ATXN7L1: variants seen among roughly 807,000 people sequenced by gnomAD.
The protein encoded by ATXN7L1 is ataxin 7 like 1, also known as ataxin-7-like protein 1.
In ATXN7L1, 15 loss-of-function variants were observed where a neutral mutation model predicts 70.8. The ratio of observed to expected loss-of-function variants is 0.21; its 90% confidence interval spans 0.14 to 0.33. ATXN7L1 has a LOEUF of 0.33. Among genes scored for constraint, ATXN7L1 ranks in the 10% least tolerant of loss-of-function variants. The probability of loss-of-function intolerance (pLI) is 1.00; values close to 1 mark genes in which losing one functional copy is unlikely to be tolerated. For synonymous variants in ATXN7L1, 440 were observed against 445.1 expected, an observed-to-expected ratio of 0.99 and a Z score of 0.14; for missense variants, 975 against 1,097.1, an observed-to-expected ratio of 0.89 and a Z score of 1.57.
chr7:105,652,368 A>T (rs568611919), intron 4 of ATXN7L1, among the ~76,000 whole-genome samples: 1 of 152,250 alleles, frequency 6.6e-6, no homozygotes, highest in Non-Finnish European at 1.5e-5. Context: ...AAATGGTATC[A>T]GAGCCTGGGA....
chr7:105,643,116 G>A lies in ATXN7L1; in HGVS notation c.584C>T (p.Pro195Leu). The A allele has an allele frequency of 6.6e-7, 1 of 1,510,036 alleles. No individual in the cohort carries two copies. Among genetic ancestry groups the A allele is most frequent in the Non-Finnish European group, 8.9e-7 (1 of 1,125,016 alleles). The allele number at this position is 1,510,036 out of a possible 1,614,324, so 93.5% of individuals were successfully genotyped here. The change falls in exon 5 of 12, where the codon CCA becomes CTA. Residue 195 changes from proline (P) to leucine (L), a missense_variant. This residue lies in a region of ATXN7L1 where 192 missense variants were observed against 215.5 expected (regional missense o/e 0.89). Transcript: ENST00000419735. ...TTTCTCTAAACTGACTACAGGAACTGGAACACTGAAAAATAAATGAACAAA... is the reference window on the plus strand; with the variant it reads ...TTTCTCTAAACTGACTACAGGAACTAGAACACTGAAAAATAAATGAACAAA... ...AKGSRDKPCVPVPVVSLEKIP... is the reference protein window; with the variant it reads ...AKGSRDKPCVLVPVVSLEKIP...
At chr7:105,808,077 T>C (rs575961025) in intron 2 of ATXN7L1, among the ~76,000 whole-genome samples, 1 of 152,278 alleles carries the variant, frequency 6.6e-6, no homozygotes, top group African/African-American at 2.4e-5. Flanking sequence ...AGCACTGTCC[T>C]TGGCCTGGAG....
intron 2 of ATXN7L1, chr7:105,819,418 A>T (rs1158530957): frequency 3.5e-6 from 2 of 572,222 alleles, no homozygotes; most frequent in African/African-American, 3.8e-5. Flanking sequence ...AGAGCAAAGC[A>T]AAATGCATTA....
chr7:105,639,430 C>A, intron 6 of ATXN7L1, 57 bp downstream of exon 6: 2 of 1,393,720 alleles, frequency 1.4e-6, no homozygotes, highest in Non-Finnish European at 2.0e-6. Flanking sequence ...GGCATGCAAA[C>A]ATTTCGACAA....
At chr7:105,747,393 T>G (rs903039926) in intron 3 of ATXN7L1, among the ~76,000 whole-genome samples, 1 of 152,220 alleles carries the variant, frequency 6.6e-6, no homozygotes, top group Non-Finnish European at 1.5e-5. Flanking sequence ...AGGAACTCAC[T>G]TTCAGGGCAG....
intron 2 of ATXN7L1, among the ~76,000 whole-genome samples, chr7:105,792,473 G>A (rs1020088599): frequency 2.0e-5 from 3 of 152,202 alleles, no homozygotes; most frequent in Non-Finnish European, 2.9e-5. Context: ...AGAGCAATGC[G>A]GGCTGGGGGA....
At chr7:105,712,853 C>T (rs184336187) in intron 3 of ATXN7L1, among the ~76,000 whole-genome samples, 7 of 152,340 alleles carry the variant, frequency 4.6e-5, no homozygotes, top group Non-Finnish European at 7.3e-5. Context: ...GTTCCAAAGT[C>T]GCTTCCACAT....
At chr7:105,813,676 T>A (rs918997811) in intron 2 of ATXN7L1, among the ~76,000 whole-genome samples, 1 of 152,178 alleles carries the variant, frequency 6.6e-6, no homozygotes, top group Non-Finnish European at 1.5e-5. Context: ...AGACTCTTCC[T>A]TTATCTGTAA....
chr7:105,790,689 A>ATCT (rs1563095644), intron 2 of ATXN7L1, among the ~76,000 whole-genome samples: 1 of 150,742 alleles, frequency 6.6e-6, no homozygotes, highest in Non-Finnish European at 1.5e-5. Flanking sequence ...CTATCTATCT[A>ATCT]TCTATCTATC....
At chr7:105,838,166 A>G (rs1475868582) in intron 2 of ATXN7L1, among the ~76,000 whole-genome samples, 1 of 152,168 alleles carries the variant, frequency 6.6e-6, no homozygotes, top group Non-Finnish European at 1.5e-5. Flanking sequence ...AGAAGCAGAC[A>G]AGAAAACGAC....
intron 2 of ATXN7L1, among the ~76,000 whole-genome samples, chr7:105,803,939 G>A (rs1807190023): frequency 6.6e-6 from 1 of 152,158 alleles, no homozygotes. Context: ...AAGTGGTCCA[G>A]GAAGGAACCC....
At chr7:105,869,707 C>G (rs1462149080) in intron 2 of ATXN7L1, among the ~76,000 whole-genome samples, 7 of 152,206 alleles carry the variant, frequency 4.6e-5, no homozygotes, top group African/African-American at 1.4e-4. Flanking sequence ...TTATCTACAT[C>G]ACATCAAAAC....
In ATXN7L1 at chr7:105,849,131, A is replaced by T. The variant is rs559129795; in HGVS notation, c.250+26681T>A. Reference sequence around the variant, plus strand: ...ATTGCACCATTATCACCACCCTATTATTAGTCCATCAGAGGGGACAGGCCA... The same window carrying T: ...ATTGCACCATTATCACCACCCTATTTTTAGTCCATCAGAGGGGACAGGCCA... On this transcript the variant is annotated intron_variant, in intron 2 of 11. Coordinates refer to ENST00000419735, the MANE Select transcript of ATXN7L1 (RefSeq NM_020725.2). 7.2e-5 allele frequency among the ~76,000 whole-genome samples: 11 copies of T among 152,326 alleles called. No homozygotes were observed. The South Asian group carries it at 1.9e-3, about 26-fold the overall frequency.
At position 105,771,783 on chromosome 7, in the gene ATXN7L1, A is replaced by G. The variant is rs998919325; in HGVS notation, c.355+16821T>C. On this transcript the variant is annotated intron_variant, in intron 3 of 11. Transcript: ENST00000419735. Reference sequence around the variant, plus strand: ...GATAACTTTAGTCTTTAAAAACTAAAGTTCTGTATGCATGTTAAAAACGTA... The same window carrying G: ...GATAACTTTAGTCTTTAAAAACTAAGGTTCTGTATGCATGTTAAAAACGTA... 3.3e-5 allele frequency among the ~76,000 whole-genome samples: 5 copies of G among 152,194 alleles called. No homozygotes were observed. The South Asian group carries it at 1.0e-3, about 32-fold the overall frequency.
At position 105,677,179 on chromosome 7, in the gene ATXN7L1, C is replaced by G. The variant is rs113577157; in HGVS notation, c.356-11891G>C. ...CCAAATCTGTGATTTTTTAAAAGGT[C>G]CTGAGGTGATTTTCATGCTCCATGA... On this transcript the variant is annotated intron_variant, in intron 3 of 11. Coordinates refer to ENST00000419735, the MANE Select transcript of ATXN7L1 (RefSeq NM_020725.2). Among the ~76,000 whole-genome samples the G allele has an allele frequency of 1.4e-3, 206 of 152,300 alleles. 1 individual carries two copies. The highest frequency in any genetic ancestry group is 4.8e-3 in the African/African-American group (199 of 41,568).
chr7:105,631,266 G>A (rs907039429), intron 7 of ATXN7L1, among the ~76,000 whole-genome samples: 3 of 152,164 alleles, frequency 2.0e-5, no homozygotes. Context: ...TAACGGGAAA[G>A]GAACTGACCT....
In ATXN7L1 at chr7:105,613,945, C is replaced by G; in HGVS notation, c.2389G>C (p.Gly797Arg). The change falls in exon 10 of 12, where the codon GGT (glycine) becomes CGT (arginine). Residue 797 changes from glycine to arginine, a missense_variant. By Grantham distance (125) the Gly-to-Arg change is moderately radical. Transcript: ENST00000419735. ...SKACKITKMP[G>R]MNSVHKKNPP... The stretch of plus-strand genomic sequence containing the variant: ...TTCTTTTTGTGAACGCTATTCATAC[C>G]AGGCATTTTAGTGATTTTACAGGCT... The G allele has an allele frequency of 6.4e-7, 1 of 1,552,296 alleles. No individual in the cohort carries two copies. The highest frequency in any genetic ancestry group is 2.4e-5 in the East Asian group (1 of 40,922).
At position 105,795,910 on chromosome 7, in the gene ATXN7L1, T is replaced by C. The variant is rs145793095; in HGVS notation, c.251-7202A>G. Among the ~76,000 whole-genome samples, 82 of 152,364 alleles carry C rather than the reference T, an allele frequency of 5.4e-4. 1 individual carries two copies. Among genetic ancestry groups the C allele is most frequent in the African/African-American group, 1.9e-3 (81 of 41,588 alleles). On this transcript the variant is annotated intron_variant, in intron 2 of 11. Transcript: ENST00000419735. ...AAAAATGTCAAGATGGCATACGCTA[T>C]AATGCTATAGCTATTAACATAATTT...
At chr7:105,805,906 G>A (rs1807512536) in intron 2 of ATXN7L1, among the ~76,000 whole-genome samples, 1 of 152,178 alleles carries the variant, frequency 6.6e-6, no homozygotes, top group South Asian at 2.1e-4. Flanking sequence ...GTTTTACCAT[G>A]TGCTCATGAG....
Sources: allele counts gnomAD v4.1 joint callset (sites outside exome capture counted in the v4.1 genomes callset), GRCh38; gene constraint gnomAD v4.1.1; regional missense constraint gnomAD v4.1.1; transcripts MANE v1.5; gene names NCBI Gene and HGNC (gene_info 2026-07-23, HGNC 2026-07-21).